PTPRN2: variants seen among roughly 807,000 people sequenced by gnomAD.
PTPRN2 encodes receptor-type tyrosine-protein phosphatase N2.
A neutral mutation model predicts 118.8 loss-of-function variants in PTPRN2; 74 were observed. The ratio of observed to expected loss-of-function variants is 0.62; its 90% CI spans 0.52 to 0.76. The LOEUF (loss-of-function observed/expected upper bound fraction) is 0.76. PTPRN2 is among the 30% of genes least tolerant of loss of function. The pLI is 0.00. For synonymous variants in PTPRN2, 641 were observed against 608.0 expected, an observed-to-expected ratio of 1.05 and a Z score of -0.80; for missense variants, 1,481 against 1,394.4, an observed-to-expected ratio of 1.06 and a Z score of -0.99.
intron 12 of PTPRN2, among the ~76,000 whole-genome samples, chr7:157,895,944 G>A (rs1257217447): frequency 2.6e-5 from 4 of 152,130 alleles, no homozygotes; most frequent in South Asian, 2.1e-4. Context: ...CAGGAGGCCC[G>A]CGTGAAAGAG....
intron 5 of PTPRN2, among the ~76,000 whole-genome samples, chr7:158,184,718 A>G (rs552988774): frequency 3.5e-4 from 53 of 152,260 alleles, no homozygotes; most frequent in African/African-American, 1.2e-3. Context: ...AGGCTGAGGT[A>G]GGAGCATCAC....
chr7:158,143,912 C>G (rs1403483069), intron 6 of PTPRN2, among the ~76,000 whole-genome samples: 2 of 152,170 alleles, frequency 1.3e-5, no homozygotes. Flanking sequence ...TCCTGAGCTC[C>G]CAGGCAGCAG....
chr7:158,076,962 C>G (rs1021732209), intron 11 of PTPRN2, among the ~76,000 whole-genome samples: 2 of 152,218 alleles, frequency 1.3e-5, no homozygotes, highest in African/African-American at 4.8e-5. Context: ...CCGATGCCTG[C>G]CTGGGGTCGA....
intron 12 of PTPRN2, among the ~76,000 whole-genome samples, chr7:157,745,422 G>A (rs940177994): frequency 7.2e-5 from 11 of 151,926 alleles, no homozygotes; most frequent in South Asian, 2.1e-4. Flanking sequence ...GACAGGCTGC[G>A]GGAGGCAGGT....
chr7:157,895,116 G>GAGACCATAAAATAA (rs1563216647), intron 12 of PTPRN2, among the ~76,000 whole-genome samples: 5 of 152,032 alleles, frequency 3.3e-5, no homozygotes, highest in Non-Finnish European at 4.4e-5. Flanking sequence ...ACTAGGAAAC[G>GAGACCATAAAATAA]GCCAGAGGGT....
In PTPRN2 at chr7:158,285,440, C is replaced by T. The variant is rs78131180; in HGVS notation, c.277+31379G>A. Among the ~76,000 whole-genome samples, 1,387 of 152,332 alleles carry T rather than the reference C, an allele frequency of 9.1e-3. 25 individuals carry two copies. The highest frequency in any genetic ancestry group is 0.031 in the African/African-American group (1,309 of 41,584). ...ATGTGCCCACGCCGGCTTCAACTCT[C>T]CCGCCCAACCCCAGCACAAGCAGAG... is the stretch of plus-strand genomic sequence containing the variant. On this transcript the variant is annotated intron_variant, in intron 3 of 22. Transcript: ENST00000389418.
chr7:157,772,154 AAC>A lies in PTPRN2; in HGVS notation c.1789-89219_1789-89218del, dbSNP rs375303297. On this transcript the variant is annotated intron_variant, in intron 12 of 22. Transcript: ENST00000389418. ...ACAGACAGACACACACACAGACACA[AAC>A]ACACACACAGGCACAGACATACACA... is the stretch of plus-strand genomic sequence containing the variant. Among the ~76,000 whole-genome samples, 64 of 146,618 alleles carry A rather than the reference AAC, an allele frequency of 4.4e-4. 1 individual carries two copies. In the South Asian group the frequency reaches 0.011, roughly 25 times the overall value.
intron 12 of PTPRN2, among the ~76,000 whole-genome samples, chr7:157,847,099 G>C (rs374197607): frequency 8.2e-3 from 433 of 52,728 alleles, no homozygotes; most frequent in Middle Eastern, 0.065. Flanking sequence ...AGCCCTCTCT[G>C]ACTCCATCAT....
At chr7:158,296,644 C>A (rs1800521599) in intron 3 of PTPRN2, among the ~76,000 whole-genome samples, 1 of 152,238 alleles carries the variant, frequency 6.6e-6, no homozygotes. Flanking sequence ...GCCGTGGGGT[C>A]TGAGCCCACA....
chr7:157,564,130 GA>G (rs34010599), intron 21 of PTPRN2, among the ~76,000 whole-genome samples: 2 of 151,476 alleles, frequency 1.3e-5, no homozygotes, highest in African/African-American at 4.9e-5. Context: ...AAAAGCACAA[GA>G]AAAAAAAATA....
chr7:158,578,760 T>G (rs568353129), intron 1 of PTPRN2, among the ~76,000 whole-genome samples: 32 of 152,004 alleles, frequency 2.1e-4, no homozygotes, highest in East Asian at 1.7e-3. Flanking sequence ...TTCTCTTTTT[T>G]TTTTTGTTGT....
chr7:158,375,773 G>C (rs905276623), intron 2 of PTPRN2, among the ~76,000 whole-genome samples: 1 of 152,120 alleles, frequency 6.6e-6, no homozygotes, highest in Non-Finnish European at 1.5e-5. Flanking sequence ...AGAAGAGAAG[G>C]AGCGTGTGAA....
At chr7:158,123,859 G>A (rs1443724991) in intron 9 of PTPRN2, among the ~76,000 whole-genome samples, 1 of 152,174 alleles carries the variant, frequency 6.6e-6, no homozygotes, top group Non-Finnish European at 1.5e-5. Flanking sequence ...GGCAGAGCTG[G>A]TTCTCTAATC....
intron 1 of PTPRN2, among the ~76,000 whole-genome samples, chr7:158,566,565 A>G (rs1486099372): frequency 6.6e-6 from 1 of 152,222 alleles, no homozygotes; most frequent in African/African-American, 2.4e-5. Context: ...GGAGCCCTGG[A>G]CACTTGAAAC....
At position 157,901,321 on chromosome 7, in the gene PTPRN2, C is replaced by T. The variant is rs190205806; in HGVS notation, c.1724-2584G>A. Among the ~76,000 whole-genome samples, 227 of 152,202 alleles carry T rather than the reference C, an allele frequency of 1.5e-3. 4 individuals are homozygous for T. In the South Asian group the frequency reaches 0.02, roughly 13 times the overall value. The stretch of plus-strand genomic sequence containing the variant: ...GACCAAATTTCAACATGAGGCATGG[C>T]GGGGCCGAACCAACCAGATGCAGAG... On this transcript the variant is annotated intron_variant, in intron 11 of 22. Transcript: ENST00000389418.
At position 157,619,958 on chromosome 7, in the gene PTPRN2, C is replaced by T. The variant is rs931606182; in HGVS notation, c.2344+1404G>A. On this transcript the variant is annotated intron_variant, in intron 15 of 22. Transcript: ENST00000389418. The surrounding 1 kb of genome is among the most constrained non-coding windows in gnomAD (Gnocchi z 5.3). ...CCTCGGCCACAGGGGACACTGGTCCCGCCTGATGCTGAGCTGAAAGTGAGT... is the reference window on the plus strand; with the variant it reads ...CCTCGGCCACAGGGGACACTGGTCCTGCCTGATGCTGAGCTGAAAGTGAGT... Among the ~76,000 whole-genome samples, 9 of 152,172 alleles carry T rather than the reference C, an allele frequency of 5.9e-5. No individual in the cohort carries two copies. Among genetic ancestry groups the T allele is most frequent in the Middle Eastern group, 3.2e-3 (1 of 316 alleles).
chr7:158,529,350 G>C lies in PTPRN2; in HGVS notation c.113-39565C>G, dbSNP rs1825040003. Among the ~76,000 whole-genome samples the C allele has an allele frequency of 1.3e-5, 2 of 152,372 alleles. No homozygotes were observed. The highest frequency in any genetic ancestry group is 3.4e-3 in the Middle Eastern group (1 of 294). ...GCTGTGCAGGTGCTGACACGCCCCA[G>C]AGCAAGCATTGGCTGTGTCGGCAGA... On this transcript the variant is annotated intron_variant, in intron 1 of 22. Coordinates refer to ENST00000389418, the MANE Select transcript of PTPRN2 (RefSeq NM_002847.5). The surrounding 1 kb of genome is among the most constrained non-coding windows in gnomAD (Gnocchi z 4.7).
chr7:158,518,390 G>C (rs1336073711), intron 1 of PTPRN2, among the ~76,000 whole-genome samples: 1 of 152,142 alleles, frequency 6.6e-6, no homozygotes, highest in Non-Finnish European at 1.5e-5. Flanking sequence ...AACACACAGG[G>C]ACATCAGCGC....
Position 157,869,503 on chromosome 7 carries a change from T to A in PTPRN2, c.1788+29170A>T, listed in dbSNP as rs531451736. On this transcript the variant is annotated intron_variant, in intron 12 of 22. Coordinates refer to ENST00000389418, the MANE Select transcript of PTPRN2 (RefSeq NM_002847.5). This position sits in a 1 kb window ranked among gnomAD's most constrained non-coding sequence, Gnocchi z 4.2. ...AATCTCCACCAGGGCCAAGACACTT[T>A]TGCAAGGGATCAAACCCACCATTTA... 6.6e-6 allele frequency among the ~76,000 whole-genome samples: 1 copy of A among 152,314 alleles called. No homozygotes were observed. The highest frequency in any genetic ancestry group is 6.5e-5 in the Admixed American group (1 of 15,304).
Sources: gnomAD v4.1 joint callset for allele counts (sites outside exome capture counted in the v4.1 genomes callset) on GRCh38, gnomAD v4.1.1 for gene constraint, Gnocchi (gnomAD v3.1) non-coding constraint, MANE v1.5 for transcripts, NCBI Gene and HGNC (gene_info 2026-07-23, HGNC 2026-07-21) for gene names.